The following EYA3 variants were observed in gnomAD, a reference collection of about 807,000 sequenced individuals.
EYA3 encodes EYA transcriptional coactivator and phosphatase 3, also known as protein phosphatase EYA3.
A neutral mutation model predicts 80.0 loss-of-function variants in EYA3; 39 were observed. That is an observed-to-expected ratio of 0.49 (90% CI 0.38 to 0.64). EYA3 has a LOEUF of 0.64. EYA3 is among the 30% of genes least tolerant of loss of function. The pLI is 0.00. For missense variants in EYA3, 523 were observed against 676.1 expected (o/e 0.77, Z 2.51); for synonymous variants, 206 against 232.8 (o/e 0.88, Z 1.05).
At chr1:28,065,960 G>A (rs1355826134) in intron 1 of EYA3, among the ~76,000 whole-genome samples, 1 of 151,422 alleles carries the variant, frequency 6.6e-6, no homozygotes, top group African/African-American at 2.4e-5. Flanking sequence ...AGTGAGCTGA[G>A]ATCACGCCAT....
At chr1:28,034,413 G>C in intron 6 of EYA3, among the ~76,000 whole-genome samples, 1 of 152,074 alleles carries the variant, frequency 6.6e-6, no homozygotes, top group East Asian at 1.9e-4. Context: ...TCTTTCAAAA[G>C]GTCCATTCAG....
At chr1:28,064,206 T>C (rs981284663) in intron 1 of EYA3, among the ~76,000 whole-genome samples, 5 of 152,260 alleles carry the variant, frequency 3.3e-5, no homozygotes, top group Non-Finnish European at 5.9e-5. Context: ...TTTAATAGTT[T>C]CAAATCCATT....
intron 17 of EYA3, 108 bp from the exon 18 acceptor site, chr1:27,974,654 C>T: frequency 1.3e-6 from 1 of 783,046 alleles, no homozygotes. Flanking sequence ...TACATGGTAA[C>T]CCTATCTATC....
At chr1:28,021,045 G>A (rs1642403828) in intron 7 of EYA3, among the ~76,000 whole-genome samples, 1 of 152,182 alleles carries the variant, frequency 6.6e-6, no homozygotes, top group Admixed American at 6.5e-5. Flanking sequence ...TGGCACAGCT[G>A]CACCAAGTGA....
At chr1:28,006,171 G>C (rs1641256368) in intron 10 of EYA3, among the ~76,000 whole-genome samples, 1 of 151,972 alleles carries the variant, frequency 6.6e-6, no homozygotes, top group East Asian at 1.9e-4. Context: ...AGGATGTAAG[G>C]ATGGTTCATT....
intron 1 of EYA3, among the ~76,000 whole-genome samples, chr1:28,072,889 C>T (rs747375450): frequency 4.0e-5 from 6 of 151,588 alleles, no homozygotes; most frequent in Non-Finnish European, 8.8e-5. Context: ...CAATGGAATA[C>T]TGTACAGTAA....
rs898276352 is a variant in EYA3, at chr1:28,057,148, T to G, written c.33+846A>C. On this transcript the variant is annotated intron_variant, in intron 2 of 17. Transcript: ENST00000373871. Reference sequence around the variant, plus strand: ...GCATTTCTCAATATAAAGAAAAATATTTAAAATATATTAAAGGACTTTATC... The same window carrying G: ...GCATTTCTCAATATAAAGAAAAATAGTTAAAATATATTAAAGGACTTTATC... 2.0e-5 allele frequency among the ~76,000 whole-genome samples: 3 copies of G among 152,272 alleles called. No individual in the cohort carries two copies. In the East Asian group the frequency reaches 5.8e-4, roughly 29 times the overall value.
intron 1 of EYA3, among the ~76,000 whole-genome samples, chr1:28,062,462 G>A (rs1414077770): frequency 6.6e-6 from 1 of 152,128 alleles, no homozygotes; most frequent in African/African-American, 2.4e-5. Flanking sequence ...CTCTTTAGAA[G>A]TTAGAAGGGA....
chr1:28,084,586 TATATATA>T (rs1238807289), intron 1 of EYA3, among the ~76,000 whole-genome samples: 100 of 18,334 alleles, frequency 5.5e-3, no homozygotes, highest in Non-Finnish European at 8.5e-3. Context: ...TATATATATA[TATATATA>T]TATTTTTTTT....
intron 1 of EYA3, among the ~76,000 whole-genome samples, chr1:28,080,419 T>G (rs1645380055): frequency 6.6e-6 from 1 of 152,124 alleles, no homozygotes. Context: ...ATAGCGTCAC[T>G]ACGCTTCAGC....
chr1:28,006,311 A>AT (rs1225565108), intron 10 of EYA3, among the ~76,000 whole-genome samples: 1 of 152,218 alleles, frequency 6.6e-6, no homozygotes, highest in African/African-American at 2.4e-5. Flanking sequence ...CAGAAAATGC[A>AT]TTTGACAACA....
chr1:28,061,631 G>A lies in EYA3; in HGVS notation c.-68-3537C>T, dbSNP rs577272037. 2.6e-4 allele frequency among the ~76,000 whole-genome samples: 39 copies of A among 150,246 alleles called. 1 individual carries two copies. The South Asian group carries it at 8.0e-3, about 31-fold the overall frequency. On this transcript the variant is annotated intron_variant, in intron 1 of 17. Transcript: ENST00000373871. ...CTTTTGTTTTTTGAGATGGAGTCTC[G>A]CTCTGTCGCCCAGGCTGGAGTGCAG... is the stretch of plus-strand genomic sequence containing the variant.
Position 28,063,308 on chromosome 1 carries a change from T to A in EYA3, c.-68-5214A>T, listed in dbSNP as rs971045995. ...AAAGTGCCTTATATATATATATATT[T>A]TTTTTTATTTTTAATTTTTTTTGGG... On this transcript the variant is annotated intron_variant, in intron 1 of 17. Transcript: ENST00000373871. 6.4e-3 allele frequency among the ~76,000 whole-genome samples: 961 copies of A among 149,496 alleles called. 4 individuals carry two copies. Among genetic ancestry groups the A allele is most frequent in the Non-Finnish European group, 0.01 (691 of 67,394 alleles).
At chr1:28,020,956 G>C in intron 7 of EYA3, among the ~76,000 whole-genome samples, 1 of 151,958 alleles carries the variant, frequency 6.6e-6, no homozygotes, top group Admixed American at 6.6e-5. Context: ...TGAGAACCAG[G>C]CCCCACTAGA....
At chr1:27,991,097 CTT>C (rs933055833) in intron 14 of EYA3, among the ~76,000 whole-genome samples, 27 of 152,148 alleles carry the variant, frequency 1.8e-4, no homozygotes, top group African/African-American at 6.5e-4. Context: ...GTTGACCACA[CTT>C]TGAATTGCAC....
chr1:28,027,424 T>C (rs550130149), intron 7 of EYA3, among the ~76,000 whole-genome samples: 11 of 152,318 alleles, frequency 7.2e-5, no homozygotes, highest in South Asian at 2.1e-4. Flanking sequence ...CATACTGCTA[T>C]GACAATTCAT....
At chr1:27,993,920 G>T (rs143732272) in intron 13 of EYA3, among the ~76,000 whole-genome samples, 1 of 152,266 alleles carries the variant, frequency 6.6e-6, no homozygotes, top group East Asian at 1.9e-4. Flanking sequence ...CACAGTGATT[G>T]CAACTATGTA....
intron 1 of EYA3, among the ~76,000 whole-genome samples, chr1:28,075,104 T>C (rs1645155927): frequency 6.6e-6 from 1 of 152,180 alleles, no homozygotes; most frequent in African/African-American, 2.4e-5. Flanking sequence ...CAACCCTTCC[T>C]TAGCCTTTAC....
At chr1:28,021,679 C>T (rs1261691371) in intron 7 of EYA3, among the ~76,000 whole-genome samples, 18 of 151,896 alleles carry the variant, frequency 1.2e-4, no homozygotes, top group Admixed American at 1.2e-3. Context: ...TCTTGGCTCA[C>T]TGCAACCTCT....
Sources: gnomAD v4.1 joint callset for allele counts (sites outside exome capture counted in the v4.1 genomes callset) on GRCh38, gnomAD v4.1.1 for gene constraint, MANE v1.5 for transcripts, NCBI Gene and HGNC (gene_info 2026-07-23, HGNC 2026-07-21) for gene names.